GOLGA8K: variants seen among roughly 807,000 people sequenced by gnomAD.
GOLGA8K encodes golgin A8 family member K.
GOLGA8K carries 12 observed loss-of-function variants against 75.2 expected under a neutral mutation model. The ratio of observed to expected loss-of-function variants is 0.16; its 90% CI spans 0.10 to 0.26. The LOEUF (loss-of-function observed/expected upper bound fraction) is 0.26, where lower values mean the gene tolerates loss of function less well. GOLGA8K is among the 10% of genes least tolerant of loss of function. The pLI, the probability that GOLGA8K is intolerant of heterozygous loss-of-function variation, is 1.00. For synonymous variants in GOLGA8K, 48 were observed against 236.6 expected (o/e 0.20, Z 7.32); for missense variants, 109 against 640.8 (o/e 0.17, Z 8.96).
chr15:32,395,714 C>T, intron 13 of GOLGA8K, among the ~76,000 whole-genome samples: 2 of 147,172 alleles, frequency 1.4e-5, no homozygotes, highest in South Asian at 4.3e-4. Context: ...ATACCACTGT[C>T]TCTTCCCCTG....
chr15:32,394,328 C>T (rs2054576613), intron 14 of GOLGA8K, 95 bp from the exon 15 acceptor site: 7 of 619,332 alleles, frequency 1.1e-5, no homozygotes, highest in African/African-American at 2.2e-5. Context: ...AACCCTGAGC[C>T]AGCCCCTCCC....
chr15:32,397,461 G>C lies in GOLGA8K; in HGVS notation c.634C>G (p.Gln212Glu). The C allele has an allele frequency of 6.5e-7, 1 of 1,548,258 alleles. No individual in the cohort carries two copies. Among genetic ancestry groups the C allele is most frequent in the East Asian group, 2.3e-5 (1 of 43,812 alleles). The change falls in exon 9 of 19, where the codon CAG (glutamine) becomes GAG (glutamate). Residue 212 changes from glutamine to glutamate, a missense_variant. Gln to Glu is a conservative substitution (Grantham distance 29). Transcript: ENST00000512626. ...SKARTEWKLE[Q>E]SMREEALLKV... ...AGTAGTGCCTCCTCCCGCATGGACT[G>C]CTCTAACTTCCACTCCGTACGTGCT...
At chr15:32,394,922 C>T (rs2054589020) in intron 13 of GOLGA8K, among the ~76,000 whole-genome samples, 182 bp from the exon 14 acceptor site, 1 of 148,692 alleles carries the variant, frequency 6.7e-6, no homozygotes, top group African/African-American at 2.4e-5. Flanking sequence ...GCTGCAGTCA[C>T]TGCCTGTACA....
chr15:32,397,653 C>T (rs2054643603), intron 8 of GOLGA8K, 150 bp from the exon 9 acceptor site: 2 of 1,129,934 alleles, frequency 1.8e-6, no homozygotes, highest in Non-Finnish European at 1.3e-6. Flanking sequence ...TTTAAAAGAA[C>T]ACAGTAAAGT....
At chr15:32,395,609 C>T (rs1303218666) in intron 13 of GOLGA8K, among the ~76,000 whole-genome samples, 1,518 of 128,316 alleles carry the variant, frequency 0.012, 9 homozygotes, top group Middle Eastern at 0.046. Flanking sequence ...CAGGCTGATC[C>T]CAAACTCCCG....
rs769966118 is a variant in GOLGA8K, at chr15:32,394,160, C to G, written c.1350G>C (p.Glu450Asp). 8.8e-7 allele frequency: 1 copy of G among 1,136,438 alleles called. No homozygotes were observed. 70.4% of individuals were successfully genotyped at this position (1,136,438 alleles called of 1,614,324 possible). A position where few individuals can be genotyped will look rare whatever the true frequency, so the allele number is the denominator to read the frequency against. The part of the protein sequence containing the change: ...QPMPSVPEDL[E>D]SREAMSSFMD... ...TCAGGCTCACCATGGCCTCCCTGCT[C>G]TCCAGGTCCTCTGGGACACTCGGCA... Residue 450 changes from glutamate (E) to aspartate (D), a missense_variant, in exon 15 of 19, where the codon GAG (glutamate) becomes GAC (aspartate). Glu to Asp is a conservative substitution (Grantham distance 45). Transcript: ENST00000512626.
chr15:32,394,838 C>G, intron 13 of GOLGA8K, 98 bp from the exon 14 acceptor site: 1 of 1,335,784 alleles, frequency 7.5e-7, no homozygotes, highest in Non-Finnish European at 1.0e-6. Context: ...TCTCCTGCAA[C>G]TTTTGGCAGG....
chr15:32,394,749 C>A lies in GOLGA8K; in HGVS notation c.1201-9G>T, dbSNP rs2054585657. On this transcript the variant is annotated splice_polypyrimidine_tract_variant and intron_variant, in intron 13 of 18. Coordinates refer to ENST00000512626, the MANE Select transcript of GOLGA8K (RefSeq NM_001282493.2). The stretch of plus-strand genomic sequence containing the variant: ...GCCGCTTCCAGGTGCTCCTGAGGGG[C>A]CAGGACAGAGTGAGAAGGGGTGGAG... The A allele has an allele frequency of 6.5e-7, 1 of 1,539,230 alleles. No homozygotes were observed. The highest frequency in any genetic ancestry group is 8.8e-7 in the Non-Finnish European group (1 of 1,138,314).
intron 15 of GOLGA8K, 28 bp from the exon 16 acceptor site, chr15:32,393,598 TCG>T: frequency 1.0e-6 from 1 of 1,003,312 alleles, no homozygotes; most frequent in Non-Finnish European, 1.4e-6. Context: ...CAGTCACATC[TCG>T]GCAGCGACCT....
rs1177828065 is a variant in GOLGA8K at position 32,394,289 on chromosome 15, G to A, written c.1277-56C>T. On this transcript the variant is annotated intron_variant, in intron 14 of 18. Coordinates refer to ENST00000512626, the MANE Select transcript of GOLGA8K (RefSeq NM_001282493.2). ...CAACCCAACAAGGGAGGTACTGTGGGCCCACCTCTACCTCCACCCTCACTG... is the reference window on the plus strand; with the variant it reads ...CAACCCAACAAGGGAGGTACTGTGGACCCACCTCTACCTCCACCCTCACTG... 21 of 690,482 alleles carry A rather than the reference G, an allele frequency of 3.0e-5. 2 individuals carry two copies. The highest frequency in any genetic ancestry group is 4.7e-5 in the Non-Finnish European group (19 of 403,292). The allele number at this position is 690,482 out of a possible 1,614,324, so 42.8% of individuals were successfully genotyped here.
intron 1 of GOLGA8K, among the ~76,000 whole-genome samples, chr15:32,401,701 A>G (rs1484780576): frequency 1.2e-5 from 1 of 81,418 alleles, no homozygotes; most frequent in Non-Finnish European, 2.4e-5. Flanking sequence ...CAGTCTTCTG[A>G]CTCCAAGCTC....
intron 8 of GOLGA8K, among the ~76,000 whole-genome samples, chr15:32,398,162 GTA>G (rs1491480068): frequency 6.2e-4 from 62 of 100,010 alleles, no homozygotes; most frequent in East Asian, 4.0e-3. Flanking sequence ...ATCACAGTAT[GTA>G]CACACACACA....
At chr15:32,397,614 C>G in intron 8 of GOLGA8K, 111 bp from the exon 9 acceptor site, 1 of 1,379,400 alleles carries the variant, frequency 7.2e-7, no homozygotes, top group Non-Finnish European at 1.0e-6. Flanking sequence ...CAGTAAAGAT[C>G]AAGGCATTTC....
intron 11 of GOLGA8K, among the ~76,000 whole-genome samples, 155 bp from the exon 12 acceptor site, chr15:32,396,698 A>T (rs1169924642): frequency 6.7e-6 from 1 of 148,926 alleles, no homozygotes; most frequent in Non-Finnish European, 1.5e-5. Flanking sequence ...GCACTTTCAG[A>T]GAAAGAGCAC....
rs2054584973 is a variant in GOLGA8K at position 32,394,725 on chromosome 15, C to CA, written c.1215_1216insT (p.Ala406CysfsTer29). 6.5e-7 allele frequency: 1 copy of CA among 1,547,834 alleles called. No homozygotes were observed. The highest frequency in any genetic ancestry group is 1.8e-5 in the Admixed American group (1 of 56,198). ...GTTAGCTGCTGGTTCTGCTGGCTGG[C>CA]CGCTTCCAGGTGCTCCTGAGGGGCC... is the stretch of plus-strand genomic sequence containing the variant. On this transcript the variant is annotated frameshift_variant, in exon 14 of 19. Coordinates refer to ENST00000512626, the MANE Select transcript of GOLGA8K (RefSeq NM_001282493.2). LOFTEE classifies it high-confidence loss of function.
At chr15:32,397,029 A>C (rs2054627538) in intron 10 of GOLGA8K, 22 bp from the exon 11 acceptor site, 2 of 560,434 alleles carry the variant, frequency 3.6e-6, no homozygotes, top group South Asian at 2.0e-5. Context: ...ACAAGGGGAA[A>C]GGGCCTTGGA....
intron 8 of GOLGA8K, among the ~76,000 whole-genome samples, chr15:32,398,004 G>A (rs1373818558): frequency 2.0e-5 from 3 of 152,260 alleles, no homozygotes; most frequent in Non-Finnish European, 4.4e-5. Flanking sequence ...ATAGGAAGGG[G>A]AAAATTAATC....
rs2054584860 is a variant in GOLGA8K at position 32,394,723 on chromosome 15, G to GGA, written c.1217_1218insTC (p.Ser407ProfsTer8). On this transcript the variant is annotated frameshift_variant, in exon 14 of 19. Transcript: ENST00000512626. LOFTEE classifies it high-confidence loss of function. ...CCGTTAGCTGCTGGTTCTGCTGGCTGGCCGCTTCCAGGTGCTCCTGAGGGG... is the reference window on the plus strand; with the variant it reads ...CCGTTAGCTGCTGGTTCTGCTGGCTGGAGCCGCTTCCAGGTGCTCCTGAGGGG... 1 of 1,548,480 alleles carries GGA rather than the reference G, an allele frequency of 6.5e-7. No homozygotes were observed. Among genetic ancestry groups the GGA allele is most frequent in the Admixed American group, 1.8e-5 (1 of 56,364 alleles).
Position 32,394,675 on chromosome 15 carries a change from G to C in GOLGA8K, c.1266C>G (p.Leu422=). Residue 422 remains leucine, a synonymous_variant, in exon 14 of 19, where the codon CTC becomes CTG. Transcript: ENST00000512626. The part of the protein sequence containing the change: ...QLTAQLSLMA[L]PGEGHGEHLD... ...AGCAGTCTCCCGTACCTTCCCCAGG[G>C]AGAGCCATGAGGCTCAGCTGGGCCG... The C allele has an allele frequency of 6.5e-7, 1 of 1,527,584 alleles. No individual in the cohort carries two copies. The highest frequency in any genetic ancestry group is 8.8e-7 in the Non-Finnish European group (1 of 1,132,464). 94.6% of individuals were successfully genotyped at this position (1,527,584 alleles called of 1,614,324 possible). A position where few individuals can be genotyped will look rare whatever the true frequency, so the allele number is the denominator to read the frequency against.
Sources: gnomAD v4.1 joint callset for allele counts (sites outside exome capture counted in the v4.1 genomes callset) on GRCh38, gnomAD v4.1.1 for gene constraint, MANE v1.5 for transcripts, NCBI Gene and HGNC (gene_info 2026-07-23, HGNC 2026-07-21) for gene names.